Variants in CPHXL observed in about 807,000 individuals in gnomAD.
The protein encoded by CPHXL is cytoplasmic polyadenylated homeobox like, also known as cytoplasmic polyadenylated homeobox-like protein.
chr16:75,715,108 C>G lies in CPHXL; in HGVS notation c.334G>C (p.Glu112Gln). The change falls in exon 3 of 3, where the codon GAG (glutamate) becomes CAG (glutamine). Residue 112 changes from glutamate (E) to glutamine (Q), a missense_variant. Transcript: ENST00000640559. ...TAGTTGTGAGCTGCAGCCTGGGTCTCCTGGCAGCTTAAAAATGAATGGGCT... is the reference window on the plus strand; with the variant it reads ...TAGTTGTGAGCTGCAGCCTGGGTCTGCTGGCAGCTTAAAAATGAATGGGCT... ...VQAHSFLSCQ[E>Q]TQAAAHNYAT... 2.5e-6 allele frequency: 1 copy of G among 398,900 alleles called. No individual in the cohort carries two copies. The highest frequency in any genetic ancestry group is 3.6e-5 in the East Asian group (1 of 28,078). The allele number at this position is 398,900 out of a possible 1,614,324, so 24.7% of individuals were successfully genotyped here.
chr16:75,723,509 A>G (rs1959507901), intron 1 of CPHXL, among the ~76,000 whole-genome samples: 1 of 152,236 alleles, frequency 6.6e-6, no homozygotes, highest in African/African-American at 2.4e-5. Flanking sequence ...CAGTTGCTTC[A>G]AAGAGAATAA....
chr16:75,723,133 C>T (rs1196162087), intron 1 of CPHXL, among the ~76,000 whole-genome samples: 1 of 152,186 alleles, frequency 6.6e-6, no homozygotes, highest in Non-Finnish European at 1.5e-5. Flanking sequence ...GACAAACCCA[C>T]AGCCAATATC....
intron 1 of CPHXL, 124 bp downstream of exon 1, chr16:75,726,294 C>G (rs1176121090): frequency 7.6e-6 from 3 of 397,188 alleles, no homozygotes. Flanking sequence ...ACACAATTTA[C>G]CGGTGAAAAA....
In CPHXL at chr16:75,714,213, C is replaced by T. The variant is rs1959356837; in HGVS notation, c.*11G>A. On this transcript the variant is annotated 3_prime_UTR_variant, in exon 3 of 3. Coordinates refer to ENST00000640559, the MANE Select transcript of CPHXL (RefSeq NM_001355613.1). Reference sequence around the variant, plus strand: ...TGGTTCCCTGCTGCAGACCCTTGTCCACTCTTCAACTTAAAGTTGCTGCAT... The same window carrying T: ...TGGTTCCCTGCTGCAGACCCTTGTCTACTCTTCAACTTAAAGTTGCTGCAT... The T allele has an allele frequency of 1.0e-5, 4 of 398,666 alleles. No individual in the cohort carries two copies. Among genetic ancestry groups the T allele is most frequent in the African/African-American group, 6.2e-5 (3 of 48,748 alleles). The allele number at this position is 398,666 out of a possible 1,614,324, so 24.7% of individuals were successfully genotyped here. A position where few individuals can be genotyped will look rare whatever the true frequency, so the allele number is the denominator to read the frequency against.
intron 1 of CPHXL, among the ~76,000 whole-genome samples, chr16:75,722,126 G>C (rs187867492): frequency 3.3e-5 from 5 of 152,266 alleles, no homozygotes; most frequent in Admixed American, 1.3e-4. Context: ...GAAATTTAGA[G>C]CACTAAATGC....
intron 2 of CPHXL, among the ~76,000 whole-genome samples, chr16:75,717,036 A>G (rs922027807): frequency 1.3e-5 from 2 of 152,208 alleles, no homozygotes; most frequent in African/African-American, 4.8e-5. Context: ...TTCATCTTCC[A>G]TAGACTTAAG....
At chr16:75,716,117 G>A (rs1959387539) in intron 2 of CPHXL, among the ~76,000 whole-genome samples, 1 of 142,336 alleles carries the variant, frequency 7.0e-6, no homozygotes, top group Non-Finnish European at 1.5e-5. Context: ...ACTCTCTGAG[G>A]GAAAAAAAAA....
chr16:75,724,681 T>A (rs1230122352), intron 1 of CPHXL, among the ~76,000 whole-genome samples: 1 of 152,204 alleles, frequency 6.6e-6, no homozygotes, highest in Non-Finnish European at 1.5e-5. Flanking sequence ...TTGGTGGGAC[T>A]GTAAAGTAGT....
At chr16:75,726,063 G>A (rs973765379) in intron 1 of CPHXL, among the ~76,000 whole-genome samples, 1 of 144,198 alleles carries the variant, frequency 6.9e-6, no homozygotes, top group Admixed American at 7.5e-5. Context: ...GGTAAAACTT[G>A]TGGAACAATT....
In CPHXL at chr16:75,720,843, C is replaced by A. The variant is rs534749857; in HGVS notation, c.26-2385G>T. Among the ~76,000 whole-genome samples the A allele has an allele frequency of 3.9e-5, 6 of 152,282 alleles. 1 individual carries two copies. The South Asian group carries it at 1.2e-3, about 32-fold the overall frequency. On this transcript the variant is annotated intron_variant, in intron 1 of 2. Transcript: ENST00000640559. ...GAAATGAAGGAAAAAATGGGAAGGG[C>A]AGCCAGAGAGAAAGGTCGGGTTACC... is the stretch of plus-strand genomic sequence containing the variant.
At chr16:75,717,362 A>G (rs1959407348) in intron 2 of CPHXL, among the ~76,000 whole-genome samples, 1 of 152,206 alleles carries the variant, frequency 6.6e-6, no homozygotes, top group African/African-American at 2.4e-5. Context: ...TCATATTGTT[A>G]TGTGCATGTG....
Position 75,718,278 on chromosome 16 carries a change from AC to A in CPHXL, c.205del (p.Val69Ter). ...KTLAIKFDCP[V>X]NVIDNWFQNK... The stretch of plus-strand genomic sequence containing the variant: ...TCTTGAACTTACATCTATCACATTT[AC>A]CGGACAATCAAATTTGATGGCCAGT... On this transcript the variant is annotated frameshift_variant, in exon 2 of 3. Coordinates refer to ENST00000640559, the MANE Select transcript of CPHXL (RefSeq NM_001355613.1). LOFTEE classifies it low-confidence loss of function (END_TRUNC). 2.5e-6 allele frequency: 1 copy of A among 398,768 alleles called. No homozygotes were observed. Among genetic ancestry groups the A allele is most frequent in the Non-Finnish European group, 4.4e-6 (1 of 226,194 alleles). The allele number at this position is 398,768 out of a possible 1,614,324, so 24.7% of individuals were successfully genotyped here.
At chr16:75,722,869 G>A (rs563185416) in intron 1 of CPHXL, among the ~76,000 whole-genome samples, 2 of 152,246 alleles carry the variant, frequency 1.3e-5, no homozygotes, top group East Asian at 1.9e-4. Flanking sequence ...CTAGCAAACT[G>A]AATCCAGCAG....
At chr16:75,715,662 G>A (rs1332083991) in intron 2 of CPHXL, among the ~76,000 whole-genome samples, 3 of 151,946 alleles carry the variant, frequency 2.0e-5, no homozygotes, top group Non-Finnish European at 4.4e-5. Flanking sequence ...AGAATTAGTG[G>A]TGTATTTTCT....
rs530383607 is a variant in CPHXL, at chr16:75,718,084, G to A, written c.219+181C>T. 1.3e-3 allele frequency among the ~76,000 whole-genome samples: 200 copies of A among 152,082 alleles called. 2 individuals are homozygous for A. The highest frequency in any genetic ancestry group is 4.6e-3 in the African/African-American group (191 of 41,492). ...ACAAAACATAAAAGCCTGGCGGGGTGGTGTGTGCCTGTAGTCCCAGCTACT... is the reference window on the plus strand; with the variant it reads ...ACAAAACATAAAAGCCTGGCGGGGTAGTGTGTGCCTGTAGTCCCAGCTACT... On this transcript the variant is annotated intron_variant, in intron 2 of 2. Coordinates refer to ENST00000640559, the MANE Select transcript of CPHXL (RefSeq NM_001355613.1).
intron 1 of CPHXL, among the ~76,000 whole-genome samples, chr16:75,722,964 G>A (rs1182099082): frequency 2.6e-5 from 4 of 152,102 alleles, no homozygotes; most frequent in Non-Finnish European, 4.4e-5. Flanking sequence ...ATCAATAAAC[G>A]TAATCCAGCA....
intron 1 of CPHXL, among the ~76,000 whole-genome samples, chr16:75,721,516 A>G (rs1386538204): frequency 6.6e-6 from 1 of 152,244 alleles, no homozygotes; most frequent in East Asian, 1.9e-4. Flanking sequence ...AGGCCATTAC[A>G]TAATGGCAAA....
chr16:75,722,910 G>A (rs956240863), intron 1 of CPHXL, among the ~76,000 whole-genome samples: 3 of 152,160 alleles, frequency 2.0e-5, no homozygotes, highest in Non-Finnish European at 2.9e-5. Flanking sequence ...CCATGATCAA[G>A]TGGGCTTCAT....
At chr16:75,721,328 AC>A (rs1959474053) in intron 1 of CPHXL, among the ~76,000 whole-genome samples, 1 of 152,178 alleles carries the variant, frequency 6.6e-6, no homozygotes, top group Non-Finnish European at 1.5e-5. Flanking sequence ...AAGAGTCAAG[AC>A]CCATCAGTGT....
Sources: gnomAD v4.1 joint callset for allele counts (sites outside exome capture counted in the v4.1 genomes callset) on GRCh38, gnomAD v4.1.1 for gene constraint, MANE v1.5 for transcripts, NCBI Gene and HGNC (gene_info 2026-07-23, HGNC 2026-07-21) for gene names.